Variants in TAF9B observed in about 807,000 individuals in gnomAD.
The protein encoded by TAF9B is TATA-box binding protein associated factor 9b, also known as transcription initiation factor TFIID subunit 9B.
TAF9B carries 47 observed loss-of-function variants against 17.6 expected under a neutral mutation model. That is an observed-to-expected ratio of 2.68 (90% CI 2.12 to 3.41). TAF9B has a LOEUF of 3.41. TAF9B is among the 30% of genes most tolerant of loss of function. The pLI, the probability that TAF9B is intolerant of heterozygous loss-of-function variation, is 0.00. For missense variants in TAF9B, 218 were observed against 189.3 expected (o/e 1.15, Z -0.89); for synonymous variants, 84 against 68.7 (o/e 1.22, Z -1.10).
rs782079120 is a variant in TAF9B at position 78,137,952 on chromosome X, GTT to G, written c.270+8_270+9del. The stretch of plus-strand genomic sequence containing the variant: ...TAAGTAAAAATAACTTCAAATCAAA[GTT>G]TGCTCACATCTCTTGGGGGAGGAGA... On this transcript the variant is annotated splice_region_variant and intron_variant, in intron 3 of 6. Transcript: ENST00000341864. 18 of 1,202,164 alleles carry G rather than the reference GTT, an allele frequency of 1.5e-5. No homozygotes were observed. The highest frequency in any genetic ancestry group is 1.8e-5 in the African/African-American group (1 of 56,594).
chrX:78,130,108 T>TAATA lies in TAF9B; in HGVS notation c.*1498_*1501dup, dbSNP rs1378114158. Reference sequence around the variant, plus strand: ...TACCTGTTTTTATATTACCTTTCCCTAATACTGAAAAACACTAAAACTGAT... The same window carrying TAATA: ...TACCTGTTTTTATATTACCTTTCCCTAATAAATACTGAAAAACACTAAAACTGAT... On this transcript the variant is annotated 3_prime_UTR_variant, in exon 7 of 7. Transcript: ENST00000341864. 6 of 112,451 alleles carry TAATA rather than the reference T, an allele frequency of 5.3e-5. No individual in the cohort carries two copies. The highest frequency in any genetic ancestry group is 1.1e-4 in the Non-Finnish European group (6 of 53,261). The allele number at this position is 112,451 out of a possible 1,213,427, so 9.3% of individuals were successfully genotyped here. A position where few individuals can be genotyped will look rare whatever the true frequency, so the allele number is the denominator to read the frequency against.
At chrX:78,139,444 C>T in intron 1 of TAF9B, 117 bp downstream of exon 1, 5 of 1,070,065 alleles carry the variant, frequency 4.7e-6, no homozygotes, top group Non-Finnish European at 5.1e-6. Flanking sequence ...CTCCTGACGG[C>T]CCTGACTAGA....
intron 5 of TAF9B, 84 bp downstream of exon 5, chrX:78,136,831 C>T: frequency 1.6e-6 from 1 of 635,897 alleles, no homozygotes. Context: ...TTCTGATTCA[C>T]TTTTTGACTT....
At position 78,130,315 on chromosome X, in the gene TAF9B, T is replaced by G. The variant is rs781944494; in HGVS notation, c.*1295A>C. 6.2e-5 allele frequency: 7 copies of G among 112,496 alleles called. No individual in the cohort carries two copies. Among genetic ancestry groups the G allele is most frequent in the Non-Finnish European group, 9.4e-5 (5 of 53,310 alleles). 9.3% of individuals were successfully genotyped at this position (112,496 alleles called of 1,213,427 possible). A position where few individuals can be genotyped will look rare whatever the true frequency, so the allele number is the denominator to read the frequency against. On this transcript the variant is annotated 3_prime_UTR_variant, in exon 7 of 7. Transcript: ENST00000341864. ...CTTAAGAAAAACAAAACAGGTGTGTTTATATTCTCAAAAGCTTTGCCATCT... is the reference window on the plus strand; with the variant it reads ...CTTAAGAAAAACAAAACAGGTGTGTGTATATTCTCAAAAGCTTTGCCATCT...
Position 78,131,639 on chromosome X carries a change from C to T in TAF9B, c.727G>A (p.Glu243Lys). ...ATAATATCATTGTCATCATCATCTTCATGTTTTCTCTTCAGTGGGTTTGCT... is the reference window on the plus strand; with the variant it reads ...ATAATATCATTGTCATCATCATCTTTATGTTTTCTCTTCAGTGGGTTTGCT... The part of the protein sequence containing the change: ...NEANPLKRKH[E>K]DDDDNDIM The change falls in exon 7 of 7, where the codon GAA becomes AAA. Residue 243 changes from glutamate to lysine, a missense_variant. By Grantham distance (56) the Glu-to-Lys change is moderately conservative. Transcript: ENST00000341864. 1 of 1,210,720 alleles carries T rather than the reference C, an allele frequency of 8.3e-7. No homozygotes were observed. The highest frequency in any genetic ancestry group is 1.1e-6 in the Non-Finnish European group (1 of 894,746).
rs782451811 is a variant in TAF9B at position 78,130,529 on chromosome X, G to A, written c.*1081C>T. The A allele has an allele frequency of 1.8e-5, 2 of 112,526 alleles. No individual in the cohort carries two copies. The highest frequency in any genetic ancestry group is 1.9e-4 in the Admixed American group (2 of 10,558). 9.3% of individuals were successfully genotyped at this position (112,526 alleles called of 1,213,427 possible). Reference sequence around the variant, plus strand: ...TTTCAGGTTTGATCCTGTCTTATATGTGACATCCTCAGCAACAAGCTAAAA... The same window carrying A: ...TTTCAGGTTTGATCCTGTCTTATATATGACATCCTCAGCAACAAGCTAAAA... On this transcript the variant is annotated 3_prime_UTR_variant, in exon 7 of 7. Coordinates refer to ENST00000341864, the MANE Select transcript of TAF9B (RefSeq NM_015975.5).
At position 78,138,833 on chromosome X, in the gene TAF9B, A is replaced by C; in HGVS notation, c.133+10T>G. The C allele has an allele frequency of 1.7e-6, 2 of 1,175,905 alleles. No homozygotes were observed. The highest frequency in any genetic ancestry group is 2.3e-6 in the Non-Finnish European group (2 of 863,564). On this transcript the variant is annotated intron_variant, in intron 2 of 6. Coordinates refer to ENST00000341864, the MANE Select transcript of TAF9B (RefSeq NM_015975.5). Reference sequence around the variant, plus strand: ...AAGTTAGGCAAGTTTTTGGTGTTTCATTAACTTACGGAAAGCAAATTCCAA... The same window carrying C: ...AAGTTAGGCAAGTTTTTGGTGTTTCCTTAACTTACGGAAAGCAAATTCCAA...
At chrX:78,131,956 T>TA (rs1394334516) in intron 6 of TAF9B, among the ~76,000 whole-genome samples, 183 bp from the exon 7 acceptor site, 3 of 112,718 alleles carry the variant, frequency 2.7e-5, no homozygotes, top group Non-Finnish European at 3.7e-5. Flanking sequence ...AATTAAATTT[T>TA]AAAAAATCTT....
rs1438249986 is a variant in TAF9B at position 78,137,842 on chromosome X, C to G, written c.312G>C (p.Leu104Phe). The G allele has an allele frequency of 8.3e-7, 1 of 1,207,271 alleles. No individual in the cohort carries two copies. The highest frequency in any genetic ancestry group is 1.1e-6 in the Non-Finnish European group (1 of 894,531). ...DIARQKNQTP[L>F]PLIKPYAGPR... ...GTCCTGCATATGGCTTAATCAGTGG[C>G]AAAGGGGTTTGATTTTTCTGCCTTG... Residue 104 changes from leucine to phenylalanine, a missense_variant, in exon 4 of 7, where the codon TTG becomes TTC. Leu to Phe is a conservative substitution (Grantham distance 22). Transcript: ENST00000341864.
intron 6 of TAF9B, 129 bp downstream of exon 6, chrX:78,133,209 C>A: frequency 2.0e-6 from 1 of 510,104 alleles, no homozygotes; most frequent in Non-Finnish European, 3.3e-6. Flanking sequence ...CTGAAGAACC[C>A]TCATTTGCAG....
At position 78,130,912 on chromosome X, in the gene TAF9B, A is replaced by C. The variant is rs1261726077; in HGVS notation, c.*698T>G. ...TAAAGTGAATCACAAAACATTAGGCATGTAGAGCATGTTTTAAAAATAGGA... is the reference window on the plus strand; with the variant it reads ...TAAAGTGAATCACAAAACATTAGGCCTGTAGAGCATGTTTTAAAAATAGGA... On this transcript the variant is annotated 3_prime_UTR_variant, in exon 7 of 7. Coordinates refer to ENST00000341864, the MANE Select transcript of TAF9B (RefSeq NM_015975.5). 5 of 112,160 alleles carry C rather than the reference A, an allele frequency of 4.5e-5. No homozygotes were observed. The highest frequency in any genetic ancestry group is 9.4e-5 in the Non-Finnish European group (5 of 53,265). The allele number at this position is 112,160 out of a possible 1,213,427, so 9.2% of individuals were successfully genotyped here.
chrX:78,132,751 C>A (rs782219085), intron 6 of TAF9B, among the ~76,000 whole-genome samples: 85 of 110,282 alleles, frequency 7.7e-4, no homozygotes, highest in Admixed American at 2.3e-3. Context: ...TGAGCTTTTA[C>A]CTTAACTGCT....
At chrX:78,133,626 C>G (rs928335632) in intron 5 of TAF9B, among the ~76,000 whole-genome samples, 178 bp from the exon 6 acceptor site, 3 of 111,812 alleles carry the variant, frequency 2.7e-5, no homozygotes, top group Non-Finnish European at 5.6e-5. Flanking sequence ...TTAGATGTTA[C>G]AAAATTCAGT....
intron 1 of TAF9B, 43 bp downstream of exon 1, chrX:78,139,518 C>T: frequency 8.3e-7 from 1 of 1,208,983 alleles, no homozygotes; most frequent in Non-Finnish European, 1.1e-6. Context: ...AGGTCCCTGG[C>T]TGCACCTGGC....
chrX:78,135,400 A>G (rs1246974795), intron 5 of TAF9B, among the ~76,000 whole-genome samples: 1 of 102,621 alleles, frequency 9.7e-6, no homozygotes, highest in Non-Finnish European at 2.0e-5. Context: ...AACATGGTGA[A>G]ATCCCGTCTT....
Position 78,131,561 on chromosome X carries a change from C to G in TAF9B, c.*49G>C, listed in dbSNP as rs2078412493. ...GAATATTCTAGTTCAGTATACTGGGCTCAAAACCAACTTTCCTTTTGAAAT... is the reference window on the plus strand; with the variant it reads ...GAATATTCTAGTTCAGTATACTGGGGTCAAAACCAACTTTCCTTTTGAAAT... On this transcript the variant is annotated 3_prime_UTR_variant, in exon 7 of 7. Transcript: ENST00000341864. The G allele has an allele frequency of 7.9e-6, 9 of 1,137,716 alleles. No homozygotes were observed. In the East Asian group the frequency reaches 2.7e-4, roughly 35 times the overall value. 93.8% of individuals were successfully genotyped at this position (1,137,716 alleles called of 1,213,427 possible).
chrX:78,131,584 A>C lies in TAF9B; in HGVS notation c.*26T>G. ...GGCTCAAAACCAACTTTCCTTTTGA[A>C]ATGCATCTAGACTAGACTATATTCC... On this transcript the variant is annotated 3_prime_UTR_variant, in exon 7 of 7. Coordinates refer to ENST00000341864, the MANE Select transcript of TAF9B (RefSeq NM_015975.5). 1 of 1,179,841 alleles carries C rather than the reference A, an allele frequency of 8.5e-7. No individual in the cohort carries two copies. The highest frequency in any genetic ancestry group is 1.1e-6 in the Non-Finnish European group (1 of 875,045).
intron 6 of TAF9B, among the ~76,000 whole-genome samples, chrX:78,132,831 G>A (rs1189418643): frequency 9.1e-6 from 1 of 110,069 alleles, no homozygotes; most frequent in Non-Finnish European, 1.9e-5. Flanking sequence ...AAAATCTGAT[G>A]AACACACTGA....
In TAF9B at chrX:78,129,872, G is replaced by A. The variant is rs1603399259; in HGVS notation, c.*1738C>T. On this transcript the variant is annotated 3_prime_UTR_variant, in exon 7 of 7. Transcript: ENST00000341864. ...ACCCTCACAACAGCCCTGTGAGGTAGGCAGGGTAGGTGTTACTTTCCTACT... is the reference window on the plus strand; with the variant it reads ...ACCCTCACAACAGCCCTGTGAGGTAAGCAGGGTAGGTGTTACTTTCCTACT... 1 of 112,125 alleles carries A rather than the reference G, an allele frequency of 8.9e-6. No homozygotes were observed. Among genetic ancestry groups the A allele is most frequent in the East Asian group, 2.8e-4 (1 of 3,586 alleles). 9.2% of individuals were successfully genotyped at this position (112,125 alleles called of 1,213,427 possible).
Sources: gnomAD v4.1 joint callset for allele counts (sites outside exome capture counted in the v4.1 genomes callset) on GRCh38, gnomAD v4.1.1 for gene constraint, MANE v1.5 for transcripts, NCBI Gene and HGNC (gene_info 2026-07-23, HGNC 2026-07-21) for gene names.